Variants in TEX11 observed in about 807,000 individuals in gnomAD.
TEX11 encodes the protein testis-expressed protein 11.
Under a neutral mutation model 84.4 loss-of-function variants are expected in TEX11, and 7 were observed. The observed-to-expected ratio is 0.08, with a 90% CI of 0.05 to 0.16. The LOEUF (loss-of-function observed/expected upper bound fraction) is 0.16. TEX11 is among the 10% of genes least tolerant of loss of function. TEX11 has a pLI of 1.00. For missense variants in TEX11, 551 were observed against 660.5 expected (o/e 0.83, Z 1.82); for synonymous variants, 264 against 222.8 (o/e 1.18, Z -1.64).
intron 2 of TEX11, among the ~76,000 whole-genome samples, chrX:70,906,882 C>A (rs1182204268): frequency 8.9e-6 from 1 of 112,208 alleles, no homozygotes; most frequent in African/African-American, 3.2e-5. Flanking sequence ...ACATTTCTTA[C>A]CACATATTTC....
chrX:70,811,115 T>C (rs147008748), intron 8 of TEX11, among the ~76,000 whole-genome samples: 2,241 of 111,325 alleles, frequency 0.02, 40 homozygotes, highest in African/African-American at 0.069. Context: ...CATGTTGGTG[T>C]GCTGCACCCA....
At chrX:70,756,835 A>G (rs1414582476) in intron 9 of TEX11, among the ~76,000 whole-genome samples, 2 of 112,204 alleles carry the variant, frequency 1.8e-5, no homozygotes, top group African/African-American at 6.5e-5. Context: ...CTAAAGGAGC[A>G]TGTTCTAACC....
At chrX:70,799,153 T>A (rs1776983629) in intron 9 of TEX11, among the ~76,000 whole-genome samples, 1 of 111,908 alleles carries the variant, frequency 8.9e-6, no homozygotes, top group African/African-American at 3.2e-5. Flanking sequence ...ATAAGCTCCA[T>A]CAAGTTTAAG....
chrX:70,696,752 G>C (rs1467422569), intron 13 of TEX11, among the ~76,000 whole-genome samples: 1 of 110,557 alleles, frequency 9.0e-6, no homozygotes, highest in Non-Finnish European at 1.9e-5. Context: ...CTAGGTGCCA[G>C]AGCAAGACTC....
At chrX:70,615,234 G>A (rs1214184227) in intron 20 of TEX11, among the ~76,000 whole-genome samples, 1 of 111,676 alleles carries the variant, frequency 9.0e-6, no homozygotes, top group Non-Finnish European at 1.9e-5. Flanking sequence ...AGAAACAGAG[G>A]TATGTGACCA....
At chrX:70,798,056 G>A (rs747719843) in intron 9 of TEX11, among the ~76,000 whole-genome samples, 1 of 105,938 alleles carries the variant, frequency 9.4e-6, no homozygotes, top group South Asian at 4.4e-4. Context: ...AAATTTGAAA[G>A]GAAGAAGTAA....
chrX:70,595,467 A>T lies in TEX11; in HGVS notation c.2068-3644T>A, dbSNP rs757117312. Among the ~76,000 whole-genome samples, 12 of 111,577 alleles carry T rather than the reference A, an allele frequency of 1.1e-4. No homozygotes were observed. The East Asian group carries it at 3.1e-3, about 29-fold the overall frequency. ...ATTGTTGTGTTTGGAGCATATATAGATGTAATGTGTATAACAAAATAGCAT... is the reference window on the plus strand; with the variant it reads ...ATTGTTGTGTTTGGAGCATATATAGTTGTAATGTGTATAACAAAATAGCAT... On this transcript the variant is annotated intron_variant, in intron 24 of 29. Transcript: ENST00000374333.
intron 9 of TEX11, among the ~76,000 whole-genome samples, chrX:70,752,367 A>C (rs2090832836): frequency 9.2e-6 from 1 of 109,158 alleles, no homozygotes; most frequent in Admixed American, 9.9e-5. Flanking sequence ...TCTACCAAAA[A>C]TACAAAAATT....
chrX:70,729,880 A>C (rs1339713200), intron 11 of TEX11, among the ~76,000 whole-genome samples: 1 of 112,052 alleles, frequency 8.9e-6, no homozygotes, highest in Non-Finnish European at 1.9e-5. Context: ...AGTTGAAATG[A>C]AGGAAAAAAT....
the TEX11 span, among the ~76,000 whole-genome samples, chrX:70,517,252 A>G: frequency 1.8e-5 from 2 of 111,711 alleles, no homozygotes; most frequent in Non-Finnish European, 3.8e-5. Context: ...GATATTGGCT[A>G]TGGGTTTGTC....
chrX:70,568,636 A>G (rs1304140707), intron 25 of TEX11, among the ~76,000 whole-genome samples: 4 of 110,761 alleles, frequency 3.6e-5, no homozygotes, highest in African/African-American at 9.8e-5. Context: ...GCTTGTCTGT[A>G]AAGTATTTTA....
intron 2 of TEX11, among the ~76,000 whole-genome samples, chrX:70,895,540 C>G (rs754405244): frequency 9.0e-6 from 1 of 111,666 alleles, no homozygotes; most frequent in Non-Finnish European, 1.9e-5. Flanking sequence ...TCATATGGAA[C>G]CAAAAAAGAG....
At position 70,607,015 on chromosome X, in the gene TEX11, C is replaced by T; in HGVS notation, c.1894G>A (p.Val632Met). 4.2e-6 allele frequency: 5 copies of T among 1,191,458 alleles called. No homozygotes were observed. Among genetic ancestry groups the T allele is most frequent in the Non-Finnish European group, 5.6e-6 (5 of 885,334 alleles). ...ATCACTGGATCTTTGTCACATTGCA[C>T]AGCCAAGTTCCAAGCTGGAAATTAA... The part of the protein sequence containing the change: ...WFRKTAWNLA[V>M]QCDKDPVMMR... Residue 632 changes from valine (V) to methionine (M), a missense_variant, in exon 23 of 30, where the codon GTG (valine) becomes ATG (methionine). Physicochemically the swap from Val to Met is conservative, Grantham distance 21 (BLOSUM62 1). Coordinates refer to ENST00000374333, the MANE Select transcript of TEX11 (RefSeq NM_031276.3).
chrX:70,780,796 C>A (rs1420629415), intron 9 of TEX11, among the ~76,000 whole-genome samples: 1 of 112,456 alleles, frequency 8.9e-6, no homozygotes, highest in Admixed American at 9.4e-5. Context: ...GTAAACAAAG[C>A]GGCTGGGAAG....
At chrX:70,707,630 A>C (rs779526711) in intron 13 of TEX11, among the ~76,000 whole-genome samples, 5 of 111,548 alleles carry the variant, frequency 4.5e-5, no homozygotes, top group African/African-American at 1.6e-4. Flanking sequence ...TACTCAACTG[A>C]TCAAGCATAT....
chrX:70,762,879 C>T, intron 9 of TEX11, among the ~76,000 whole-genome samples: 1 of 110,360 alleles, frequency 9.1e-6, no homozygotes. Context: ...ACAAAAAATA[C>T]AAAAATTAGC....
At chrX:70,776,565 G>GA (rs781761552) in intron 9 of TEX11, among the ~76,000 whole-genome samples, 965 of 88,015 alleles carry the variant, frequency 0.011, 6 homozygotes, top group African/African-American at 0.032. Flanking sequence ...CCCTGTCTTG[G>GA]AAAAAAAAAA....
chrX:70,816,216 A>G (rs2091285424), intron 8 of TEX11, among the ~76,000 whole-genome samples: 1 of 112,038 alleles, frequency 8.9e-6, no homozygotes, highest in Non-Finnish European at 1.9e-5. Flanking sequence ...GCTTAGAATA[A>G]TAGTCTCCAA....
chrX:70,893,331 C>T lies in TEX11; in HGVS notation c.38-13222G>A, dbSNP rs187120185. Among the ~76,000 whole-genome samples, 149 of 111,438 alleles carry T rather than the reference C, an allele frequency of 1.3e-3. 1 individual carries two copies. The highest frequency in any genetic ancestry group is 2.2e-3 in the Non-Finnish European group (119 of 53,099). ...ATACTCCTCAGCAAATGCAAAAGAACGGAAATCATAACAAAAGAAAGGAAA... is the reference window on the plus strand; with the variant it reads ...ATACTCCTCAGCAAATGCAAAAGAATGGAAATCATAACAAAAGAAAGGAAA... On this transcript the variant is annotated intron_variant, in intron 2 of 29. Coordinates refer to ENST00000374333, the MANE Select transcript of TEX11 (RefSeq NM_031276.3).
Sources: gnomAD v4.1 joint callset for allele counts (sites outside exome capture counted in the v4.1 genomes callset) on GRCh38, gnomAD v4.1.1 for gene constraint, MANE v1.5 for transcripts, NCBI Gene and HGNC (gene_info 2026-07-23, HGNC 2026-07-21) for gene names.